Variants in PPP6R3 observed in about 807,000 individuals in gnomAD.
PPP6R3 encodes the protein protein phosphatase 6 regulatory subunit 3.
In PPP6R3, 38 loss-of-function variants were observed where a neutral mutation model predicts 110.7. The ratio of observed to expected loss-of-function variants is 0.34; its 90% CI spans 0.26 to 0.45. The LOEUF (loss-of-function observed/expected upper bound fraction) is 0.45, where lower values mean the gene tolerates loss of function less well. Among genes scored for constraint, PPP6R3 ranks in the 20% least tolerant of loss-of-function variants. PPP6R3 has a pLI of 1.00. For synonymous variants in PPP6R3, 369 were observed against 373.5 expected, an observed-to-expected ratio of 0.99 and a Z score of 0.14; for missense variants, 870 against 1,062.4, an observed-to-expected ratio of 0.82 and a Z score of 2.52.
chr11:68,555,992 A>C (rs890384447), intron 7 of PPP6R3, among the ~76,000 whole-genome samples: 2 of 152,252 alleles, frequency 1.3e-5, no homozygotes, highest in African/African-American at 2.4e-5. Context: ...CTTCCATTTT[A>C]GTAAACTTAT....
intron 21 of PPP6R3, 119 bp downstream of exon 21, chr11:68,602,088 C>T: frequency 1.4e-6 from 1 of 694,524 alleles, no homozygotes; most frequent in African/African-American, 1.8e-5. Context: ...GTCTGATGTC[C>T]ACAGGGCAGC....
chr11:68,510,646 C>A (rs113852257), intron 1 of PPP6R3, among the ~76,000 whole-genome samples: 1 of 152,084 alleles, frequency 6.6e-6, no homozygotes. Flanking sequence ...TTAAAAACTT[C>A]TAGGTTTTTC....
rs1260404770 is a variant in PPP6R3, at chr11:68,476,106, G to A, written c.-158+15279G>A. Among the ~76,000 whole-genome samples the A allele has an allele frequency of 5.9e-5, 9 of 152,324 alleles. No homozygotes were observed. In the South Asian group the frequency reaches 1.2e-3, roughly 21 times the overall value. ...AATCTCGGCACTTTGGGAGGCCAAGGCAGGCGGCTGGGAGGTGGAGGTTGT... is the reference window on the plus strand; with the variant it reads ...AATCTCGGCACTTTGGGAGGCCAAGACAGGCGGCTGGGAGGTGGAGGTTGT... On this transcript the variant is annotated intron_variant, in intron 1 of 23. Transcript: ENST00000393800.
intron 1 of PPP6R3, among the ~76,000 whole-genome samples, chr11:68,507,071 A>G (rs1275932460): frequency 1.3e-5 from 2 of 152,152 alleles, no homozygotes; most frequent in East Asian, 1.9e-4. Context: ...TGTTGGCTTC[A>G]TATATGCCTG....
chr11:68,602,439 C>T (rs2099634758), intron 21 of PPP6R3, among the ~76,000 whole-genome samples: 1 of 152,160 alleles, frequency 6.6e-6, no homozygotes, highest in African/African-American at 2.4e-5. Context: ...TATTACTCTA[C>T]CTAGTCAAAT....
intron 18 of PPP6R3, among the ~76,000 whole-genome samples, chr11:68,592,217 A>C (rs915273090): frequency 6.6e-6 from 1 of 151,932 alleles, no homozygotes; most frequent in East Asian, 1.9e-4. Context: ...TACACAGACA[A>C]ATCTTGTTAT....
chr11:68,603,547 G>A, intron 22 of PPP6R3, 55 bp downstream of exon 22: 1 of 1,603,526 alleles, frequency 6.2e-7, no homozygotes, highest in Non-Finnish European at 8.5e-7. Context: ...GGATGGTGGG[G>A]CAGAAACCTC....
intron 2 of PPP6R3, among the ~76,000 whole-genome samples, chr11:68,525,750 G>T (rs1056621353): frequency 3.3e-5 from 5 of 152,042 alleles, no homozygotes; most frequent in Non-Finnish European, 7.4e-5. Context: ...TTGACCATTT[G>T]CCAAAAGCAT....
At chr11:68,487,714 T>C (rs190911413) in intron 1 of PPP6R3, among the ~76,000 whole-genome samples, 80 of 152,344 alleles carry the variant, frequency 5.3e-4, no homozygotes, top group Admixed American at 2.9e-3. Flanking sequence ...CTTTCTGTTA[T>C]TGATTTCTAG....
intron 14 of PPP6R3, among the ~76,000 whole-genome samples, chr11:68,576,720 T>C (rs903472799): frequency 6.6e-6 from 1 of 152,078 alleles, no homozygotes; most frequent in African/African-American, 2.4e-5. Context: ...AGTCGAGGGG[T>C]GGCCTTTGCT....
At chr11:68,475,550 C>T (rs1482442543) in intron 1 of PPP6R3, among the ~76,000 whole-genome samples, 1 of 150,908 alleles carries the variant, frequency 6.6e-6, no homozygotes, top group East Asian at 2.0e-4. Context: ...GCTGGCCCCC[C>T]ACCTCCCTCC....
intron 1 of PPP6R3, among the ~76,000 whole-genome samples, chr11:68,484,568 A>G (rs752181857): frequency 1.3e-4 from 20 of 150,450 alleles, no homozygotes; most frequent in Non-Finnish European, 3.0e-4. Context: ...GTGTCTATAT[A>G]TATTTTTATA....
intron 1 of PPP6R3, among the ~76,000 whole-genome samples, chr11:68,463,785 C>G (rs941791409): frequency 6.6e-6 from 1 of 152,152 alleles, no homozygotes; most frequent in Admixed American, 6.6e-5. Context: ...TTGATTTACT[C>G]TAGTTCAAGA....
intron 16 of PPP6R3, 88 bp downstream of exon 16, chr11:68,588,112 T>C: frequency 8.7e-7 from 1 of 1,151,810 alleles, no homozygotes; most frequent in Middle Eastern, 2.0e-4. Flanking sequence ...TTCTTAGTCT[T>C]GAGCATTCGT....
At position 68,522,981 on chromosome 11, in the gene PPP6R3, C is replaced by T. The variant is rs111504542; in HGVS notation, c.-7+3330C>T. Reference sequence around the variant, plus strand: ...TGGGACTGCTACCTTCATCACATAGCTGTTTTCCCTTATTTCCACATTTCT... The same window carrying T: ...TGGGACTGCTACCTTCATCACATAGTTGTTTTCCCTTATTTCCACATTTCT... On this transcript the variant is annotated intron_variant, in intron 2 of 23. Coordinates refer to ENST00000393800, the MANE Select transcript of PPP6R3 (RefSeq NM_001164161.2). Among the ~76,000 whole-genome samples, 5 of 152,342 alleles carry T rather than the reference C, an allele frequency of 3.3e-5. No individual in the cohort carries two copies. In the South Asian group the frequency reaches 1.0e-3, roughly 32 times the overall value.
At chr11:68,568,500 A>G (rs1241274672) in intron 10 of PPP6R3, among the ~76,000 whole-genome samples, 2 of 152,186 alleles carry the variant, frequency 1.3e-5, no homozygotes, top group Non-Finnish European at 2.9e-5. Context: ...GGCATTTTGT[A>G]CTTTTAGAAA....
chr11:68,614,894 C>T lies in PPP6R3; in HGVS notation c.*1777C>T, dbSNP rs372198942. 5.1e-5 allele frequency: 43 copies of T among 837,876 alleles called. No homozygotes were observed. The highest frequency in any genetic ancestry group is 7.2e-5 in the South Asian group (5 of 69,902). The allele number at this position is 837,876 out of a possible 1,614,324, so 51.9% of individuals were successfully genotyped here. On this transcript the variant is annotated 3_prime_UTR_variant, in exon 24 of 24. Transcript: ENST00000393800. Reference sequence around the variant, plus strand: ...ACTGGTAGATAATATGCTCTGGTCTCGCCTGGTGGTGAGTTTTGCCAGCCA... The same window carrying T: ...ACTGGTAGATAATATGCTCTGGTCTTGCCTGGTGGTGAGTTTTGCCAGCCA...
Position 68,614,361 on chromosome 11 carries a change from C to CA in PPP6R3, c.*1244_*1245insA. ...AGCAATATATTGTATATTGCCATATCGTCTGGTGAAAGGGTTAAATTACTT... is the reference window on the plus strand; with the variant it reads ...AGCAATATATTGTATATTGCCATATCAGTCTGGTGAAAGGGTTAAATTACTT... On this transcript the variant is annotated 3_prime_UTR_variant, in exon 24 of 24. Transcript: ENST00000393800. 1 of 1,197,364 alleles carries CA rather than the reference C, an allele frequency of 8.4e-7. No homozygotes were observed. Among genetic ancestry groups the CA allele is most frequent in the Non-Finnish European group, 1.0e-6 (1 of 960,968 alleles). 74.2% of individuals were successfully genotyped at this position (1,197,364 alleles called of 1,614,324 possible).
chr11:68,584,803 A>G (rs1035239132), intron 15 of PPP6R3, among the ~76,000 whole-genome samples: 39 of 152,216 alleles, frequency 2.6e-4, no homozygotes, highest in African/African-American at 9.2e-4. Flanking sequence ...GAACTTTTCA[A>G]AGTGGAAGAA....
Sources: allele counts gnomAD v4.1 joint callset (sites outside exome capture counted in the v4.1 genomes callset), GRCh38; gene constraint gnomAD v4.1.1; transcripts MANE v1.5; gene names NCBI Gene and HGNC (gene_info 2026-07-23, HGNC 2026-07-21).